JPH3: variants seen among roughly 807,000 people sequenced by gnomAD.
JPH3 encodes junctophilin 3.
Under a neutral mutation model 59.6 loss-of-function variants are expected in JPH3, and 11 were observed. The observed-to-expected ratio is 0.18, with a 90% CI of 0.12 to 0.31. The LOEUF is 0.31. Ranked by LOEUF, JPH3 falls within the 10% of genes least tolerant of loss-of-function variation. JPH3 has a pLI of 1.00. For missense variants in JPH3, 1,202 were observed against 1,105.7 expected, an observed-to-expected ratio of 1.09 and a Z score of -1.24; for synonymous variants, 673 against 483.6, an observed-to-expected ratio of 1.39 and a Z score of -5.14.
chr16:87,644,222 C>T (rs753673148), intron 1 of JPH3, 36 bp from the exon 2 acceptor site: 80 of 1,565,980 alleles, frequency 5.1e-5, no homozygotes, highest in Admixed American at 1.6e-4. Context: ...CCTCCTCTGT[C>T]GCTGGGCACT....
chr16:87,664,557 G>A lies in JPH3; in HGVS notation c.1160+19522G>A, dbSNP rs147277303. ...GGAGAATTGCTTGAACCTGGGAGGC[G>A]GAGGTTGCAGTGAGCCGAGATCGCG... On this transcript the variant is annotated intron_variant, in intron 2 of 4. Transcript: ENST00000284262. Among the ~76,000 whole-genome samples, 562 of 152,198 alleles carry A rather than the reference G, an allele frequency of 3.7e-3. 18 individuals carry two copies. The East Asian group carries it at 0.067, about 18-fold the overall frequency.
rs761581216 is a variant in JPH3, at chr16:87,644,894, A to G, written c.1019A>G (p.Gln340Arg). ...DGTKEEGKYKQNILVGGKRKN... is the reference protein window; with the variant it reads ...DGTKEEGKYKRNILVGGKRKN... The stretch of plus-strand genomic sequence containing the variant: ...ACCAAGGAGGAGGGCAAGTACAAGC[A>G]GAACATCCTCGTCGGCGGCAAGCGC... The change falls in exon 2 of 5, where the codon CAG becomes CGG. Residue 340 changes from glutamine to arginine, a missense_variant. Gln to Arg is a conservative substitution (Grantham distance 43, BLOSUM62 1). Coordinates refer to ENST00000284262, the MANE Select transcript of JPH3 (RefSeq NM_020655.4). The G allele has an allele frequency of 3.7e-6, 6 of 1,613,346 alleles. No homozygotes were observed. Among genetic ancestry groups the G allele is most frequent in the East Asian group, 2.2e-5 (1 of 44,838 alleles).
chr16:87,665,990 G>T (rs1170607022), intron 2 of JPH3, among the ~76,000 whole-genome samples: 1 of 152,230 alleles, frequency 6.6e-6, no homozygotes, highest in Non-Finnish European at 1.5e-5. Context: ...AAACCAGGGT[G>T]TGCAGAGGCC....
chr16:87,634,687 G>A (rs2031675847), intron 1 of JPH3, among the ~76,000 whole-genome samples: 1 of 152,230 alleles, frequency 6.6e-6, no homozygotes, highest in South Asian at 2.1e-4. Context: ...TGGGAAACGG[G>A]CCCTATAGGA....
intron 2 of JPH3, among the ~76,000 whole-genome samples, chr16:87,667,115 C>T (rs2032888193): frequency 1.3e-5 from 2 of 152,220 alleles, no homozygotes; most frequent in African/African-American, 4.8e-5. Context: ...GGGCTGCCGG[C>T]CTCCCTGGAG....
At chr16:87,622,610 GTCTGCCA>G (rs2031228177) in intron 1 of JPH3, among the ~76,000 whole-genome samples, 2 of 152,288 alleles carry the variant, frequency 1.3e-5, no homozygotes, top group South Asian at 2.1e-4. Flanking sequence ...TGGGATGGAA[GTCTGCCA>G]GAGGCGGGCT....
chr16:87,603,107 C>A lies in JPH3; in HGVS notation c.-40C>A. 6.2e-7 allele frequency: 1 copy of A among 1,613,314 alleles called. No individual in the cohort carries two copies. Among genetic ancestry groups the A allele is most frequent in the Non-Finnish European group, 8.5e-7 (1 of 1,179,668 alleles). On this transcript the variant is annotated 5_prime_UTR_variant, in exon 1 of 5. Transcript: ENST00000284262. ...CTCTGCTGTGTCGATCGCCTGAGTC[C>A]GTTTTCACCGTTTGCGGGATCTGGA...
At chr16:87,693,256 A>G (rs527558665) in intron 4 of JPH3, among the ~76,000 whole-genome samples, 1 of 152,340 alleles carries the variant, frequency 6.6e-6, no homozygotes, top group Non-Finnish European at 1.5e-5. Context: ...CTGTGGCTGC[A>G]GGTGCCCCCT....
intron 1 of JPH3, among the ~76,000 whole-genome samples, chr16:87,639,391 C>T (rs1442978367): frequency 6.6e-6 from 1 of 152,178 alleles, no homozygotes; most frequent in Admixed American, 6.5e-5. Flanking sequence ...GCATGAAGCT[C>T]CTGGTGGGCA....
chr16:87,620,445 A>AAG (rs2031132197), intron 1 of JPH3, among the ~76,000 whole-genome samples: 2 of 130,068 alleles, frequency 1.5e-5, no homozygotes, highest in Admixed American at 1.6e-4. Flanking sequence ...GGAGGGAGAG[A>AAG]GAGAGAGAAG....
chr16:87,671,733 G>A (rs1366672346), intron 2 of JPH3, among the ~76,000 whole-genome samples: 1 of 152,304 alleles, frequency 6.6e-6, no homozygotes, highest in East Asian at 1.9e-4. Context: ...CTGGGCCCAA[G>A]ATTCCTGGAG....
At chr16:87,618,664 C>T (rs1381812984) in intron 1 of JPH3, among the ~76,000 whole-genome samples, 1 of 152,202 alleles carries the variant, frequency 6.6e-6, no homozygotes, top group East Asian at 1.9e-4. Context: ...CCTGTCATCG[C>T]CTGTCTTTTT....
intron 2 of JPH3, chr16:87,683,814 C>G: frequency 3.8e-6 from 1 of 260,808 alleles, no homozygotes; most frequent in Non-Finnish European, 7.3e-6. Flanking sequence ...CCATGTTGCC[C>G]AGGCTGGTCG....
At chr16:87,692,207 G>A (rs2033606127) in intron 4 of JPH3, among the ~76,000 whole-genome samples, 1 of 102,468 alleles carries the variant, frequency 9.8e-6, no homozygotes, top group African/African-American at 3.5e-5. Flanking sequence ...TTCCCTCCCT[G>A]TCTCCCTCCC....
chr16:87,631,062 C>T (rs1191749835), intron 1 of JPH3, among the ~76,000 whole-genome samples: 1 of 152,088 alleles, frequency 6.6e-6, no homozygotes, highest in East Asian at 1.9e-4. Context: ...CTTTTTTCAC[C>T]TTCCAACTGC....
chr16:87,695,564 C>G (rs1400005755), intron 4 of JPH3: 5 of 455,196 alleles, frequency 1.1e-5, no homozygotes, highest in Non-Finnish European at 1.8e-5. Flanking sequence ...CAAGTGTCCT[C>G]TGGAAGCAGA....
In JPH3 at chr16:87,620,439, GGAGAGAGAGAGAGAAGGA is replaced by G. The variant is rs1351643601; in HGVS notation, c.382+16919_382+16936del. Among the ~76,000 whole-genome samples the G allele has an allele frequency of 1.7e-4, 18 of 107,764 alleles. No homozygotes were observed. In the South Asian group the frequency reaches 2.1e-3, roughly 13 times the overall value. The allele number at this position is 107,764 out of a possible 152,430, so 70.7% of individuals were successfully genotyped here. A position where few individuals can be genotyped will look rare whatever the true frequency, so the allele number is the denominator to read the frequency against. On this transcript the variant is annotated intron_variant, in intron 1 of 4. Transcript: ENST00000284262. The stretch of plus-strand genomic sequence containing the variant: ...GGTTAGCAGAGAGGTGGGAGGGGAG[GGAGAGAGAGAGAGAAGGA>G]GAGAGAGGGAGAGAAGGAGAGAAGA...
chr16:87,670,765 G>C (rs2032994112), intron 2 of JPH3, among the ~76,000 whole-genome samples: 1 of 152,202 alleles, frequency 6.6e-6, no homozygotes, highest in East Asian at 1.9e-4. Context: ...GGCCTGCCCT[G>C]TGCCAGGCCC....
chr16:87,679,663 C>T (rs1008296751), intron 2 of JPH3, among the ~76,000 whole-genome samples: 11 of 152,262 alleles, frequency 7.2e-5, no homozygotes, highest in African/African-American at 2.7e-4. Flanking sequence ...GTCGTGCCGG[C>T]TCTCCGTGTG....
Sources: gnomAD v4.1 joint callset for allele counts (sites outside exome capture counted in the v4.1 genomes callset) on GRCh38, gnomAD v4.1.1 for gene constraint, MANE v1.5 for transcripts, NCBI Gene and HGNC (gene_info 2026-07-23, HGNC 2026-07-21) for gene names.